The following DMTF1 variants were observed in gnomAD, a reference collection of about 807,000 sequenced individuals.
DMTF1 encodes cyclin-D-binding Myb-like transcription factor 1.
In DMTF1, 39 loss-of-function variants were observed where a neutral mutation model predicts 91.1. That is an observed-to-expected ratio of 0.43 (90% CI 0.33 to 0.56). The LOEUF is 0.56. Among genes scored for constraint, DMTF1 ranks in the 20% least tolerant of loss-of-function variants. The pLI, the probability that DMTF1 is intolerant of heterozygous loss-of-function variation, is 0.05. For missense variants in DMTF1, 750 were observed against 914.5 expected (o/e 0.82, Z 2.32); for synonymous variants, 338 against 309.5 (o/e 1.09, Z -0.97).
chr7:87,168,446 C>T (rs1006436936), intron 4 of DMTF1, among the ~76,000 whole-genome samples: 15 of 152,178 alleles, frequency 9.9e-5, no homozygotes, highest in East Asian at 3.8e-4. Flanking sequence ...CTTTCCAGCT[C>T]ACTTCCTGTA....
intron 7 of DMTF1, among the ~76,000 whole-genome samples, chr7:87,177,222 C>A (rs1796442913): frequency 6.6e-6 from 1 of 152,092 alleles, no homozygotes; most frequent in African/African-American, 2.4e-5. Context: ...AATATCCTTA[C>A]CCATTTATTT....
chr7:87,175,046 T>A (rs1795971291), intron 7 of DMTF1, among the ~76,000 whole-genome samples: 1 of 150,686 alleles, frequency 6.6e-6, no homozygotes, highest in South Asian at 2.1e-4. Flanking sequence ...TTTGAGACAG[T>A]CTTGCTCTGT....
At chr7:87,190,840 A>G (rs1326066845) in intron 13 of DMTF1, 105 bp from the exon 14 acceptor site, 6 of 842,758 alleles carry the variant, frequency 7.1e-6, no homozygotes, top group Admixed American at 6.2e-5. Flanking sequence ...AAATTATTCA[A>G]TATTAAATTG....
At position 87,188,191 on chromosome 7, in the gene DMTF1, A is replaced by G. The variant is rs1280811700; in HGVS notation, c.1301A>G (p.Asn434Ser). 10 of 1,613,864 alleles carry G rather than the reference A, an allele frequency of 6.2e-6. No individual in the cohort carries two copies. Among genetic ancestry groups the G allele is most frequent in the Non-Finnish European group, 8.5e-6 (10 of 1,179,930 alleles). Reference sequence around the variant, plus strand: ...TCTGGAGTTCCAAACAGTAATACCAATTCCAGTGTGCAGCATGTTCAGATA... The same window carrying G: ...TCTGGAGTTCCAAACAGTAATACCAGTTCCAGTGTGCAGCATGTTCAGATA... ...SGSGVPNSNT[N>S]SSVQHVQIRV... The change falls in exon 13 of 18, where the codon AAT becomes AGT. Residue 434 changes from asparagine to serine, a missense_variant. Physicochemically the swap from Asn to Ser is conservative, Grantham distance 46 (BLOSUM62 1). Transcript: ENST00000331242.
intron 7 of DMTF1, among the ~76,000 whole-genome samples, chr7:87,178,924 T>C (rs562332011): frequency 6.6e-4 from 100 of 152,192 alleles, no homozygotes; most frequent in African/African-American, 2.4e-3. Context: ...CTTGATGGTC[T>C]GTGCCTATTT....
intron 14 of DMTF1, 65 bp from the exon 15 acceptor site, chr7:87,193,130 ACTC>A (rs1279515751): frequency 1.4e-5 from 21 of 1,553,304 alleles, no homozygotes; most frequent in Non-Finnish European, 1.8e-5. Context: ...AGTAAACTAA[ACTC>A]AGTCCGTTTT....
At chr7:87,163,438 A>G (rs987479445) in intron 1 of DMTF1, 57 bp from the exon 2 acceptor site, 3 of 152,268 alleles carry the variant, frequency 2.0e-5, no homozygotes, top group East Asian at 1.9e-4. Flanking sequence ...GCATACTGCT[A>G]TACTATTCGT....
At chr7:87,180,475 A>G (rs1248944990) in intron 8 of DMTF1, among the ~76,000 whole-genome samples, 1 of 152,256 alleles carries the variant, frequency 6.6e-6, no homozygotes, top group Non-Finnish European at 1.5e-5. Context: ...TATTAAATGG[A>G]CATTTTTAAA....
Position 87,185,973 on chromosome 7 carries a change from G to A in DMTF1, c.1194G>A (p.Ser398=), listed in dbSNP as rs768926617. The A allele has an allele frequency of 4.7e-5, 76 of 1,613,670 alleles. No individual in the cohort carries two copies. The South Asian group carries it at 6.7e-4, about 14-fold the overall frequency. The change falls in exon 12 of 18, where the codon TCG becomes TCA. Residue 398 remains serine (S), a synonymous_variant. Coordinates refer to ENST00000331242, the MANE Select transcript of DMTF1 (RefSeq NM_001142327.2). ...AAATTGCAAACCATAAGGATGTTTCGTTCCCTGGTAATGTATTACTTACTT... is the reference window on the plus strand; with the variant it reads ...AAATTGCAAACCATAAGGATGTTTCATTCCCTGGTAATGTATTACTTACTT... ...KRQIANHKDV[S]FPVLIKGLKQ...
chr7:87,194,026 C>G lies in DMTF1; in HGVS notation c.1952C>G (p.Thr651Arg), dbSNP rs767246457. ...CTGATGAATAGTGTTATGGTCAGAACAGAAGAAGAAATCTCTGACACCGAC... is the reference window on the plus strand; with the variant it reads ...CTGATGAATAGTGTTATGGTCAGAAGAGAAGAAGAAATCTCTGACACCGAC... ...TELMNSVMVRTEEEISDTDLK... is the reference protein window; with the variant it reads ...TELMNSVMVRREEEISDTDLK... Residue 651 changes from threonine (T) to arginine (R), a missense_variant, in exon 16 of 18, where the codon ACA (threonine) becomes AGA (arginine). This residue lies in a region of DMTF1 where 410 missense variants were observed against 420.2 expected (regional missense o/e 0.98). Coordinates refer to ENST00000331242, the MANE Select transcript of DMTF1 (RefSeq NM_001142327.2). 6 of 1,612,962 alleles carry G rather than the reference C, an allele frequency of 3.7e-6. No individual in the cohort carries two copies. The highest frequency in any genetic ancestry group is 2.2e-5 in the South Asian group (2 of 90,970).
intron 6 of DMTF1, among the ~76,000 whole-genome samples, 196 bp downstream of exon 6, chr7:87,173,845 A>G (rs1449787905): frequency 6.6e-6 from 1 of 152,172 alleles, no homozygotes; most frequent in African/African-American, 2.4e-5. Context: ...GTTTTTCAGT[A>G]ATTAATTATT....
Position 87,193,716 on chromosome 7 carries a change from G to C in DMTF1, c.1651-9G>C. 2 of 1,577,472 alleles carry C rather than the reference G, an allele frequency of 1.3e-6. No individual in the cohort carries two copies. Among genetic ancestry groups the C allele is most frequent in the Non-Finnish European group, 1.7e-6 (2 of 1,162,886 alleles). On this transcript the variant is annotated splice_polypyrimidine_tract_variant and intron_variant, in intron 15 of 17. Coordinates refer to ENST00000331242, the MANE Select transcript of DMTF1 (RefSeq NM_001142327.2). ...TTACAACTTTAACAGGTTCTTTAAT[G>C]TTTTATAGCCAGAACATTTGTTGAA...
rs771188837 is a variant in DMTF1 at position 87,188,189 on chromosome 7, C to T, written c.1299C>T (p.Thr433=). Residue 433 remains threonine (T), a synonymous_variant, in exon 13 of 18, where the codon ACC becomes ACT. Coordinates refer to ENST00000331242, the MANE Select transcript of DMTF1 (RefSeq NM_001142327.2). ...KSGSGVPNSN[T]NSSVQHVQIR... ...GATCTGGAGTTCCAAACAGTAATAC[C>T]AATTCCAGTGTGCAGCATGTTCAGA... 8.1e-6 allele frequency: 13 copies of T among 1,613,792 alleles called. No individual in the cohort carries two copies. The highest frequency in any genetic ancestry group is 3.3e-5 in the Admixed American group (2 of 59,954).
intron 3 of DMTF1, 73 bp downstream of exon 3, chr7:87,165,123 GCC>G: frequency 2.0e-6 from 2 of 989,066 alleles, no homozygotes; most frequent in Non-Finnish European, 3.1e-6. Flanking sequence ...GACCCCTATT[GCC>G]CAAATAGGGG....
chr7:87,156,491 C>G (rs1790756308), intron 1 of DMTF1, among the ~76,000 whole-genome samples: 1 of 152,104 alleles, frequency 6.6e-6, no homozygotes, highest in African/African-American at 2.4e-5. Flanking sequence ...TATGGCTCTG[C>G]TGCTCAAACT....
chr7:87,153,346 A>G (rs1156709274), intron 1 of DMTF1, among the ~76,000 whole-genome samples: 1 of 152,168 alleles, frequency 6.6e-6, no homozygotes, highest in Non-Finnish European at 1.5e-5. Context: ...GAAAGTTCTT[A>G]AAATTGTTAA....
At chr7:87,169,543 T>G (rs1370667616) in intron 4 of DMTF1, among the ~76,000 whole-genome samples, 1 of 152,144 alleles carries the variant, frequency 6.6e-6, no homozygotes, top group Non-Finnish European at 1.5e-5. Context: ...CCTTGAAAAT[T>G]GCCTATATTT....
chr7:87,193,309 GCTGCTC>G lies in DMTF1; in HGVS notation c.1612_1617del (p.Pro538_Ala539del), dbSNP rs781768426. On this transcript the variant is annotated inframe_deletion, in exon 15 of 18. Coordinates refer to ENST00000331242, the MANE Select transcript of DMTF1 (RefSeq NM_001142327.2). ...TAGTCCCACAGTAACCCTGACAGCT[GCTGCTC>G]CTGCTTCTCCTGAACAGATTATTGT... 9 of 1,613,456 alleles carry G rather than the reference GCTGCTC, an allele frequency of 5.6e-6. No homozygotes were observed. The highest frequency in any genetic ancestry group is 7.6e-6 in the Non-Finnish European group (9 of 1,179,580).
rs115796110 is a variant in DMTF1 at position 87,192,183 on chromosome 7, A to C, written c.1495-1015A>C. On this transcript the variant is annotated intron_variant, in intron 14 of 17. Transcript: ENST00000331242. ...GTCACAATATTTAGGCTTTCCCTTA[A>C]TTTATTAACAGGATAATAATAGTAC... Among the ~76,000 whole-genome samples the C allele has an allele frequency of 3.2e-3, 491 of 152,234 alleles. 2 individuals carry two copies. Among genetic ancestry groups the C allele is most frequent in the African/African-American group, 0.011 (470 of 41,554 alleles).
Sources: gnomAD v4.1 joint callset for allele counts (sites outside exome capture counted in the v4.1 genomes callset) on GRCh38, gnomAD v4.1.1 for gene constraint, gnomAD v4.1.1 regional missense constraint, MANE v1.5 for transcripts, NCBI Gene and HGNC (gene_info 2026-07-23, HGNC 2026-07-21) for gene names.